HMGCLL1: variants seen among roughly 807,000 people sequenced by gnomAD.
The protein encoded by HMGCLL1 is 3-hydroxy-3-methylglutaryl-CoA lyase like 1.
HMGCLL1 carries 36 observed loss-of-function variants against 39.1 expected under a neutral mutation model. The ratio of observed to expected loss-of-function variants is 0.92; its 90% CI spans 0.71 to 1.22. HMGCLL1 has a LOEUF of 1.22. HMGCLL1 is among the 50% of genes most tolerant of loss of function. HMGCLL1 has a pLI of 0.00. For missense variants in HMGCLL1, 451 were observed against 416.5 expected (o/e 1.08, Z -0.72); for synonymous variants, 149 against 144.0 (o/e 1.03, Z -0.25).
chr6:55,572,389 A>C (rs942515551), intron 1 of HMGCLL1, among the ~76,000 whole-genome samples: 1 of 152,168 alleles, frequency 6.6e-6, no homozygotes, highest in Non-Finnish European at 1.5e-5. Context: ...TTCATCTATC[A>C]AAATTTTATT....
At chr6:55,437,956 C>T (rs1763436483) in intron 8 of HMGCLL1, among the ~76,000 whole-genome samples, 1 of 151,996 alleles carries the variant, frequency 6.6e-6, no homozygotes, top group South Asian at 2.1e-4. Flanking sequence ...TATAGAGAAT[C>T]CTGGTTTGTT....
intron 7 of HMGCLL1, among the ~76,000 whole-genome samples, chr6:55,485,839 T>A (rs987687789): frequency 2.0e-5 from 3 of 151,694 alleles, no homozygotes; most frequent in African/African-American, 7.3e-5. Context: ...ACCTAGTGAG[T>A]GTATAGGCTG....
chr6:55,615,429 C>G, the HMGCLL1 span, among the ~76,000 whole-genome samples: 242 of 152,238 alleles, frequency 1.6e-3, no homozygotes, highest in African/African-American at 4.1e-3. Flanking sequence ...TTGCAGGCAC[C>G]TTGTGCCTCT....
chr6:55,503,450 T>C (rs1766995705), intron 5 of HMGCLL1, among the ~76,000 whole-genome samples: 1 of 149,496 alleles, frequency 6.7e-6, no homozygotes, highest in Admixed American at 6.8e-5. Flanking sequence ...ACCTACATGA[T>C]TGCCACATTT....
At chr6:55,599,981 A>G in the HMGCLL1 span, among the ~76,000 whole-genome samples, 1 of 152,196 alleles carries the variant, frequency 6.6e-6, no homozygotes, top group Non-Finnish European at 1.5e-5. Flanking sequence ...ATCATTAGAT[A>G]TTTTTATGTT....
chr6:55,570,933 G>A (rs1771451164), intron 1 of HMGCLL1, among the ~76,000 whole-genome samples: 1 of 152,186 alleles, frequency 6.6e-6, no homozygotes, highest in South Asian at 2.1e-4. Flanking sequence ...CATGGCGGCA[G>A]GCGAGAGAGA....
intron 1 of HMGCLL1, among the ~76,000 whole-genome samples, chr6:55,542,999 A>AATC (rs1561949989): frequency 3.4e-5 from 4 of 116,508 alleles, no homozygotes; most frequent in African/African-American, 1.4e-4. Context: ...ATATATTATA[A>AATC]ATTATTATAA....
the HMGCLL1 span, among the ~76,000 whole-genome samples, chr6:55,642,053 C>T: frequency 4.4e-5 from 4 of 91,802 alleles, no homozygotes; most frequent in African/African-American, 1.7e-4. Flanking sequence ...TGCTATCCCT[C>T]CCCCCTCCCC....
At chr6:55,633,075 A>G in the HMGCLL1 span, among the ~76,000 whole-genome samples, 1 of 152,102 alleles carries the variant, frequency 6.6e-6, no homozygotes, top group Non-Finnish European at 1.5e-5. Flanking sequence ...TTTAAAAATG[A>G]CTGTAAATGT....
At chr6:55,567,943 A>T (rs886701541) in intron 1 of HMGCLL1, among the ~76,000 whole-genome samples, 2 of 152,052 alleles carry the variant, frequency 1.3e-5, no homozygotes. Context: ...GCTTTTGTTT[A>T]TTTACTTATT....
rs1197557243 is a variant in HMGCLL1, at chr6:55,440,615, A to C, written c.796-1056T>G. ...GTAATCAGAAGATACAGTAAAGCCT[A>C]ATCCGATTCTTCACTCTTGGGCATT... On this transcript the variant is annotated intron_variant, in intron 7 of 8. Transcript: ENST00000274901. 3.9e-5 allele frequency among the ~76,000 whole-genome samples: 6 copies of C among 152,214 alleles called. No homozygotes were observed. The East Asian group carries it at 1.2e-3, about 29-fold the overall frequency.
chr6:55,520,277 T>G (rs1216411422), intron 3 of HMGCLL1, among the ~76,000 whole-genome samples: 1 of 118,816 alleles, frequency 8.4e-6, no homozygotes, highest in Admixed American at 8.6e-5. Flanking sequence ...AATAAATAAA[T>G]AAAAGAAAAA....
chr6:55,572,465 TG>T (rs1317966824), intron 1 of HMGCLL1, among the ~76,000 whole-genome samples: 1 of 152,054 alleles, frequency 6.6e-6, no homozygotes, highest in Non-Finnish European at 1.5e-5. Flanking sequence ...ATACTAAAAT[TG>T]GACATAATAT....
chr6:55,449,870 C>T (rs140141984), intron 7 of HMGCLL1, among the ~76,000 whole-genome samples: 11 of 152,200 alleles, frequency 7.2e-5, no homozygotes, highest in East Asian at 1.9e-4. Context: ...CCTTTGTGCT[C>T]GTGTTTCCCT....
intron 1 of HMGCLL1, among the ~76,000 whole-genome samples, chr6:55,569,160 A>G (rs969575916): frequency 4.6e-5 from 7 of 152,192 alleles, no homozygotes; most frequent in African/African-American, 9.7e-5. Context: ...TTTGTATCCA[A>G]TGCAATTCTA....
intron 8 of HMGCLL1, among the ~76,000 whole-genome samples, chr6:55,438,917 C>T (rs190630820): frequency 3.3e-5 from 5 of 152,052 alleles, no homozygotes; most frequent in East Asian, 1.9e-4. Flanking sequence ...GTGACTTTTC[C>T]GGTACAACTT....
Position 55,543,214 on chromosome 6 carries a change from AT to A in HMGCLL1, c.109-1075del, listed in dbSNP as rs1353400021. The stretch of plus-strand genomic sequence containing the variant: ...ATATATTATATATTATATATTATAT[AT>A]TATATAATATATAATATAGATATAA... On this transcript the variant is annotated intron_variant, in intron 1 of 8. Coordinates refer to ENST00000274901, the MANE Select transcript of HMGCLL1 (RefSeq NM_001042406.2). Among the ~76,000 whole-genome samples the A allele has an allele frequency of 6.2e-3, 88 of 14,292 alleles. 21 individuals carry two copies. Among genetic ancestry groups the A allele is most frequent in the African/African-American group, 0.017 (87 of 5,008 alleles). 9.4% of individuals were successfully genotyped at this position (14,292 alleles called of 152,430 possible). A position where few individuals can be genotyped will look rare whatever the true frequency, so the allele number is the denominator to read the frequency against.
At chr6:55,556,166 A>G (rs1449662112) in intron 1 of HMGCLL1, among the ~76,000 whole-genome samples, 1 of 152,156 alleles carries the variant, frequency 6.6e-6, no homozygotes, top group African/African-American at 2.4e-5. Flanking sequence ...AGGACACACA[A>G]AAGTCCCTGT....
In HMGCLL1 at chr6:55,570,716, G is replaced by A. The variant is rs574592668; in HGVS notation, c.108+8232C>T. On this transcript the variant is annotated intron_variant, in intron 1 of 8. Coordinates refer to ENST00000274901, the MANE Select transcript of HMGCLL1 (RefSeq NM_001042406.2). ...TACTCCATTCTGACCATAATCTATA[G>A]GGTCATAAAAGGGGCTTATTATTTT... 1.2e-4 allele frequency among the ~76,000 whole-genome samples: 18 copies of A among 152,268 alleles called. No homozygotes were observed. The South Asian group carries it at 1.7e-3, about 14-fold the overall frequency.
Sources: allele counts gnomAD v4.1 joint callset (sites outside exome capture counted in the v4.1 genomes callset), GRCh38; gene constraint gnomAD v4.1.1; transcripts MANE v1.5; gene names NCBI Gene and HGNC (gene_info 2026-07-23, HGNC 2026-07-21).